Variants in KCNAB1 observed in about 807,000 individuals in gnomAD.
The protein encoded by KCNAB1 is voltage-gated potassium channel subunit beta-1.
A neutral mutation model predicts 64.6 loss-of-function variants in KCNAB1; 35 were observed. That is an observed-to-expected ratio of 0.54 (90% confidence interval 0.41 to 0.72). The LOEUF is 0.72. Ranked by LOEUF, KCNAB1 falls within the 30% of genes least tolerant of loss-of-function variation. The pLI is 0.00. For synonymous variants in KCNAB1, 177 were observed against 183.8 expected (o/e 0.96, Z 0.30); for missense variants, 401 against 512.9 (o/e 0.78, Z 2.11).
intron 1 of KCNAB1, among the ~76,000 whole-genome samples, chr3:156,212,891 G>T (rs1560139283): frequency 6.6e-6 from 1 of 152,016 alleles, no homozygotes; most frequent in South Asian, 2.1e-4. Context: ...AATTGTGACC[G>T]TGTCAGCTAG....
chr3:156,289,921 T>C (rs942491327), intron 1 of KCNAB1, among the ~76,000 whole-genome samples: 11 of 152,296 alleles, frequency 7.2e-5, no homozygotes, highest in African/African-American at 2.6e-4. Flanking sequence ...CTGGGATCAC[T>C]GCCTTCTTCC....
chr3:156,463,179 G>A (rs532678548), intron 5 of KCNAB1, among the ~76,000 whole-genome samples: 2 of 152,258 alleles, frequency 1.3e-5, no homozygotes, highest in South Asian at 2.1e-4. Context: ...ATGTTAGAAG[G>A]GATAATAACT....
chr3:156,321,724 A>G (rs1195251765), intron 1 of KCNAB1, among the ~76,000 whole-genome samples: 2 of 151,720 alleles, frequency 1.3e-5, no homozygotes, highest in Non-Finnish European at 1.5e-5. Context: ...TTTGGGTCTC[A>G]CTCTATTTGT....
Position 156,529,257 on chromosome 3 carries a change from C to T in KCNAB1, c.1082-2152C>T, listed in dbSNP as rs183900645. 6.8e-4 allele frequency among the ~76,000 whole-genome samples: 103 copies of T among 152,204 alleles called. No individual in the cohort carries two copies. In the East Asian group the frequency reaches 0.012, roughly 18 times the overall value. On this transcript the variant is annotated intron_variant, in intron 12 of 13. Coordinates refer to ENST00000490337, the MANE Select transcript of KCNAB1 (RefSeq NM_172160.3). ...CAAACGACCACCTATTGTATGATTC[C>T]ATTTAGATGAAATGTCCAGAAAAGA...
At chr3:156,485,437 T>G (rs1715132673) in intron 8 of KCNAB1, among the ~76,000 whole-genome samples, 1 of 152,102 alleles carries the variant, frequency 6.6e-6, no homozygotes, top group African/African-American at 2.4e-5. Flanking sequence ...GAATAAGGCA[T>G]TCTTCTATAT....
At chr3:156,150,783 G>A (rs1715358284) in intron 1 of KCNAB1, among the ~76,000 whole-genome samples, 1 of 152,032 alleles carries the variant, frequency 6.6e-6, no homozygotes, top group African/African-American at 2.4e-5. Context: ...TATTTACCTT[G>A]ATTATGACAA....
chr3:156,378,608 A>G (rs138367068), intron 1 of KCNAB1, among the ~76,000 whole-genome samples: 70 of 152,080 alleles, frequency 4.6e-4, no homozygotes, highest in African/African-American at 1.5e-3. Context: ...CATTTATTCA[A>G]CGTTAAATCA....
chr3:156,378,357 A>G (rs1029503291), intron 1 of KCNAB1, among the ~76,000 whole-genome samples: 10 of 152,144 alleles, frequency 6.6e-5, no homozygotes, highest in African/African-American at 2.4e-4. Flanking sequence ...TCCACCCAGA[A>G]AAAAAGGCAG....
intron 1 of KCNAB1, among the ~76,000 whole-genome samples, chr3:156,181,002 T>G: frequency 6.6e-6 from 1 of 152,204 alleles, no homozygotes; most frequent in East Asian, 1.9e-4. Flanking sequence ...CCTCTCTCCT[T>G]GGCTTACAGA....
At chr3:156,141,121 G>C (rs1236366422) in intron 1 of KCNAB1, among the ~76,000 whole-genome samples, 1 of 151,866 alleles carries the variant, frequency 6.6e-6, no homozygotes, top group Non-Finnish European at 1.5e-5. Flanking sequence ...GGTATAAGCA[G>C]CAATAGAGAG....
chr3:156,431,829 T>G (rs1054931699), intron 2 of KCNAB1, among the ~76,000 whole-genome samples: 1 of 152,198 alleles, frequency 6.6e-6, no homozygotes, highest in African/African-American at 2.4e-5. Context: ...TTCTGTGAGC[T>G]GCAGGTTTGT....
At chr3:156,162,101 T>C (rs571903831) in intron 1 of KCNAB1, among the ~76,000 whole-genome samples, 5 of 152,228 alleles carry the variant, frequency 3.3e-5, no homozygotes, top group Admixed American at 3.3e-4. Context: ...ACACTGTGCG[T>C]GGGATGCCTG....
intron 6 of KCNAB1, 135 bp downstream of exon 6, chr3:156,463,881 T>TC: frequency 1.7e-6 from 1 of 605,314 alleles, no homozygotes; most frequent in East Asian, 3.2e-5. Context: ...TTTGTTTTTT[T>TC]CTCACACTAA....
intron 1 of KCNAB1, among the ~76,000 whole-genome samples, chr3:156,361,269 C>T (rs1206936051): frequency 6.6e-6 from 1 of 152,148 alleles, no homozygotes; most frequent in Non-Finnish European, 1.5e-5. Context: ...CTTCTCTTCC[C>T]TAGCCATCCA....
intron 1 of KCNAB1, among the ~76,000 whole-genome samples, chr3:156,219,173 A>G (rs7633871): frequency 0.56 from 84,428 of 151,712 alleles, 24,344 homozygotes; most frequent in East Asian, 0.9. Context: ...GAGGCATCAG[A>G]CAAAGGTGAA....
At chr3:156,412,563 C>T (rs757946898) in intron 1 of KCNAB1, among the ~76,000 whole-genome samples, 10 of 152,110 alleles carry the variant, frequency 6.6e-5, no homozygotes, top group African/African-American at 1.2e-4. Context: ...CTAAGTATTA[C>T]GAGGAAGACA....
chr3:156,239,026 T>C (rs1391395610), intron 1 of KCNAB1, among the ~76,000 whole-genome samples: 1 of 152,182 alleles, frequency 6.6e-6, no homozygotes, highest in East Asian at 1.9e-4. Flanking sequence ...TACTCAGAGA[T>C]AAGACAATTG....
chr3:156,306,981 G>A (rs946127674), intron 1 of KCNAB1, among the ~76,000 whole-genome samples: 3 of 152,190 alleles, frequency 2.0e-5, no homozygotes, highest in African/African-American at 4.8e-5. Context: ...GGAGGGAGGC[G>A]GTGAGGGAGT....
At chr3:156,262,547 A>G (rs1718490020) in intron 1 of KCNAB1, among the ~76,000 whole-genome samples, 1 of 151,832 alleles carries the variant, frequency 6.6e-6, no homozygotes. Flanking sequence ...ATGGCCTATA[A>G]TCCTTTTACA....
Sources: gnomAD v4.1 joint callset for allele counts (sites outside exome capture counted in the v4.1 genomes callset) on GRCh38, gnomAD v4.1.1 for gene constraint, MANE v1.5 for transcripts, NCBI Gene and HGNC (gene_info 2026-07-23, HGNC 2026-07-21) for gene names.